Variants in ABCC9 observed in about 807,000 individuals in gnomAD.
The protein encoded by ABCC9 is ATP-binding cassette sub-family C member 9.
Under a neutral mutation model 188.3 loss-of-function variants are expected in ABCC9, and 95 were observed. The ratio of observed to expected loss-of-function variants is 0.50; its 90% CI spans 0.43 to 0.60. ABCC9 has a LOEUF of 0.60. Among genes scored for constraint, ABCC9 ranks in the 20% least tolerant of loss-of-function variants. The pLI, the probability that ABCC9 is intolerant of heterozygous loss-of-function variation, is 0.00. For missense variants in ABCC9, 1,102 were observed against 1,876.3 expected, an observed-to-expected ratio of 0.59 and a Z score of 7.62; for synonymous variants, 659 against 652.7, an observed-to-expected ratio of 1.01 and a Z score of -0.15.
intron 4 of ABCC9, among the ~76,000 whole-genome samples, chr12:21,929,480 A>T (rs1949187368): frequency 6.6e-6 from 1 of 152,110 alleles, no homozygotes; most frequent in African/African-American, 2.4e-5. Context: ...CTAAAAAAAA[A>T]ATCAAATATT....
In ABCC9 at chr12:21,814,111, A is replaced by T. The variant is rs543306342; in HGVS notation, c.4102+533T>A. On this transcript the variant is annotated intron_variant, in intron 35 of 39. Coordinates refer to ENST00000261200, the MANE Select transcript of ABCC9 (RefSeq NM_020297.4). ...TTAATACTATGGTGGATGAATGTGT[A>T]TGTTTTGTGTATGTTGTTACCATGA... 1.1e-4 allele frequency among the ~76,000 whole-genome samples: 16 copies of T among 152,286 alleles called. No homozygotes were observed. The East Asian group carries it at 3.1e-3, about 29-fold the overall frequency.
At chr12:21,901,597 G>C (rs962463233) in intron 12 of ABCC9, among the ~76,000 whole-genome samples, 1 of 151,744 alleles carries the variant, frequency 6.6e-6, no homozygotes. Context: ...TCAAAATAAA[G>C]GGATGGAGGA....
chr12:21,846,237 G>T (rs2137399390), intron 25 of ABCC9, among the ~76,000 whole-genome samples: 1 of 152,290 alleles, frequency 6.6e-6, no homozygotes, highest in African/African-American at 2.4e-5. Context: ...TGAAATCTGT[G>T]CATAGCACAA....
intron 31 of ABCC9, among the ~76,000 whole-genome samples, chr12:21,821,402 G>T (rs866353640): frequency 1.6e-4 from 25 of 151,904 alleles, no homozygotes; most frequent in Non-Finnish European, 2.9e-4. Context: ...TCATCATTCA[G>T]TTCCAAATTA....
chr12:21,842,551 T>C (rs1391198195), intron 28 of ABCC9, 80 bp from the exon 29 acceptor site: 2 of 1,432,008 alleles, frequency 1.4e-6, no homozygotes, highest in African/African-American at 2.8e-5. Context: ...CCTATTTTTA[T>C]GTTGATAGTT....
In ABCC9 at chr12:21,809,833, T is replaced by A; in HGVS notation, c.4315+19A>T. ...TAATGGCATATATAAAAAATAAATA[T>A]GCTATTTAGGAAATATACCTAGACC... On this transcript the variant is annotated intron_variant, in intron 37 of 39. Transcript: ENST00000261200. The A allele has an allele frequency of 7.0e-7, 1 of 1,430,630 alleles. No individual in the cohort carries two copies. The highest frequency in any genetic ancestry group is 9.8e-7 in the Non-Finnish European group (1 of 1,016,584). The allele number at this position is 1,430,630 out of a possible 1,614,324, so 88.6% of individuals were successfully genotyped here.
intron 31 of ABCC9, among the ~76,000 whole-genome samples, chr12:21,819,727 C>T (rs1430850905): frequency 6.6e-6 from 1 of 151,756 alleles, no homozygotes; most frequent in Non-Finnish European, 1.5e-5. Flanking sequence ...ATGTTTAAAG[C>T]AAACTTAAAA....
At chr12:21,826,682 G>T (rs1423818219) in intron 31 of ABCC9, among the ~76,000 whole-genome samples, 1 of 152,104 alleles carries the variant, frequency 6.6e-6, no homozygotes, top group Non-Finnish European at 1.5e-5. Flanking sequence ...GCATGTGTGC[G>T]TGTGTACACG....
At chr12:21,829,492 C>T (rs544671018) in intron 30 of ABCC9, among the ~76,000 whole-genome samples, 34 of 152,274 alleles carry the variant, frequency 2.2e-4, no homozygotes, top group East Asian at 1.7e-3. Context: ...TGTGCCACCG[C>T]ACCCGGCCCA....
At chr12:21,856,835 A>G (rs1369811865) in intron 22 of ABCC9, among the ~76,000 whole-genome samples, 1 of 152,180 alleles carries the variant, frequency 6.6e-6, no homozygotes, top group Non-Finnish European at 1.5e-5. Context: ...ATACAGCAAT[A>G]ATTTCAGAAA....
intron 7 of ABCC9, among the ~76,000 whole-genome samples, chr12:21,914,971 G>A (rs1948474363): frequency 6.6e-6 from 1 of 150,892 alleles, no homozygotes; most frequent in Non-Finnish European, 1.5e-5. Flanking sequence ...TGCAATCTCG[G>A]CTCACCACAA....
chr12:21,853,587 A>G (rs1452919429), intron 22 of ABCC9, among the ~76,000 whole-genome samples: 1 of 152,138 alleles, frequency 6.6e-6, no homozygotes, highest in Non-Finnish European at 1.5e-5. Flanking sequence ...AACTCACATT[A>G]ATTGTCTTTT....
chr12:21,872,129 A>G (rs1219642295), intron 18 of ABCC9, among the ~76,000 whole-genome samples: 1 of 152,208 alleles, frequency 6.6e-6, no homozygotes, highest in Non-Finnish European at 1.5e-5. Flanking sequence ...AAAGCTATTC[A>G]TATCTCCAAC....
chr12:21,890,243 C>T (rs773547691), intron 14 of ABCC9, among the ~76,000 whole-genome samples: 9 of 152,096 alleles, frequency 5.9e-5, no homozygotes, highest in Non-Finnish European at 1.2e-4. Context: ...CAAATCTGTG[C>T]ATGTAATGAC....
chr12:21,878,031 T>A (rs1212527140), intron 16 of ABCC9, among the ~76,000 whole-genome samples: 2 of 151,826 alleles, frequency 1.3e-5, no homozygotes, highest in Non-Finnish European at 2.9e-5. Context: ...ACAATGACCG[T>A]GAAATTAAAG....
intron 30 of ABCC9, among the ~76,000 whole-genome samples, chr12:21,832,273 C>G (rs1943810376): frequency 6.6e-6 from 1 of 152,160 alleles, no homozygotes; most frequent in African/African-American, 2.4e-5. Flanking sequence ...TGTGAGTACA[C>G]CACGAACCCT....
chr12:21,888,350 C>T (rs1565449829), intron 14 of ABCC9, among the ~76,000 whole-genome samples: 1 of 152,052 alleles, frequency 6.6e-6, no homozygotes, highest in Admixed American at 6.6e-5. Context: ...AGGTGACGTA[C>T]AGAGAAACTA....
intron 4 of ABCC9, among the ~76,000 whole-genome samples, chr12:21,930,468 A>G (rs1235531085): frequency 4.6e-5 from 7 of 152,182 alleles, no homozygotes; most frequent in Admixed American, 4.6e-4. Context: ...AAGTTAAATG[A>G]TTGGCATACC....
intron 2 of ABCC9, among the ~76,000 whole-genome samples, chr12:21,939,384 G>A (rs933041037): frequency 5.9e-5 from 9 of 152,134 alleles, no homozygotes; most frequent in Non-Finnish European, 1.3e-4. Context: ...CAAAAAGAGG[G>A]AGGCAGTAAA....
Sources: gnomAD v4.1 joint callset for allele counts (sites outside exome capture counted in the v4.1 genomes callset) on GRCh38, gnomAD v4.1.1 for gene constraint, MANE v1.5 for transcripts, NCBI Gene and HGNC (gene_info 2026-07-23, HGNC 2026-07-21) for gene names.